Variants in ARHGAP24 observed in about 807,000 individuals in gnomAD.
The protein encoded by ARHGAP24 is rho GTPase-activating protein 24.
Under a neutral mutation model 76.4 loss-of-function variants are expected in ARHGAP24, and 50 were observed. That is an observed-to-expected ratio of 0.65 (90% CI 0.52 to 0.83). The LOEUF (loss-of-function observed/expected upper bound fraction) is 0.83. Ranked by LOEUF, ARHGAP24 falls within the 40% of genes least tolerant of loss-of-function variation. The probability of loss-of-function intolerance (pLI) is 0.00; values close to 1 mark genes in which losing one functional copy is unlikely to be tolerated. For missense variants in ARHGAP24, 930 were observed against 914.2 expected, an observed-to-expected ratio of 1.02 and a Z score of -0.22; for synonymous variants, 345 against 323.3, an observed-to-expected ratio of 1.07 and a Z score of -0.72.
chr4:85,967,009 G>A (rs1162025015), intron 5 of ARHGAP24, among the ~76,000 whole-genome samples: 1 of 152,054 alleles, frequency 6.6e-6, no homozygotes, highest in Non-Finnish European at 1.5e-5. Context: ...TAATTATGGT[G>A]GCATTTGGAT....
At position 85,627,707 on chromosome 4, in the gene ARHGAP24, G is replaced by A. The variant is rs560502088; in HGVS notation, c.180+56986G>A. 1.2e-4 allele frequency among the ~76,000 whole-genome samples: 18 copies of A among 152,330 alleles called. No individual in the cohort carries two copies. The East Asian group carries it at 3.5e-3, about 29-fold the overall frequency. On this transcript the variant is annotated intron_variant, in intron 2 of 9. Transcript: ENST00000395184. Reference sequence around the variant, plus strand: ...CGCAGGCAGGCCTCCTTGAGCTGTGGTGGGCTCCACCCAGTTCCAGCTTCC... The same window carrying A: ...CGCAGGCAGGCCTCCTTGAGCTGTGATGGGCTCCACCCAGTTCCAGCTTCC...
chr4:85,817,391 T>C (rs943215515), intron 3 of ARHGAP24, among the ~76,000 whole-genome samples: 1 of 152,156 alleles, frequency 6.6e-6, no homozygotes, highest in Non-Finnish European at 1.5e-5. Flanking sequence ...AGTTTTACAG[T>C]TTATGTTCAA....
intron 3 of ARHGAP24, among the ~76,000 whole-genome samples, chr4:85,794,281 A>G (rs544815974): frequency 6.6e-6 from 1 of 152,332 alleles, no homozygotes; most frequent in East Asian, 1.9e-4. Flanking sequence ...ATTCCATTGA[A>G]ATACTAAAGT....
intron 2 of ARHGAP24, among the ~76,000 whole-genome samples, chr4:85,698,290 A>G (rs1723943836): frequency 6.6e-6 from 1 of 152,156 alleles, no homozygotes; most frequent in Non-Finnish European, 1.5e-5. Context: ...GGTTTCTGTG[A>G]CTGTCTGCCT....
intron 3 of ARHGAP24, among the ~76,000 whole-genome samples, chr4:85,876,939 T>G (rs1282594839): frequency 2.7e-4 from 1 of 3,656 alleles, no homozygotes; most frequent in Non-Finnish European, 5.6e-4. Flanking sequence ...CTTTCCATTT[T>G]ATTTATAAAA....
At chr4:85,819,791 G>T (rs371556241) in intron 3 of ARHGAP24, among the ~76,000 whole-genome samples, 1 of 151,928 alleles carries the variant, frequency 6.6e-6, no homozygotes, top group South Asian at 2.1e-4. Flanking sequence ...GTGGTGGTAC[G>T]CACCTGTAAT....
intron 4 of ARHGAP24, 146 bp downstream of exon 4, chr4:85,923,916 C>A: frequency 8.5e-7 from 1 of 1,171,718 alleles, no homozygotes; most frequent in African/African-American, 1.5e-5. Flanking sequence ...TATTGTTAGA[C>A]GTATGTCTTC....
intron 2 of ARHGAP24, among the ~76,000 whole-genome samples, chr4:85,633,675 T>A (rs1304337489): frequency 2.6e-5 from 4 of 151,814 alleles, no homozygotes; most frequent in Non-Finnish European, 4.4e-5. Flanking sequence ...AAATTAGAAT[T>A]CAGTTTGAGA....
At chr4:85,748,956 C>A (rs1210649381) in intron 3 of ARHGAP24, among the ~76,000 whole-genome samples, 1 of 152,166 alleles carries the variant, frequency 6.6e-6, no homozygotes, top group African/African-American at 2.4e-5. Context: ...GGCTGTCTCT[C>A]CCTCAACGTG....
intron 1 of ARHGAP24, among the ~76,000 whole-genome samples, chr4:85,483,934 A>G (rs1722919192): frequency 6.6e-6 from 1 of 152,190 alleles, no homozygotes; most frequent in African/African-American, 2.4e-5. Context: ...AGGACCACTT[A>G]TTATTCAAAG....
chr4:85,982,154 C>T (rs1036636193), intron 8 of ARHGAP24, among the ~76,000 whole-genome samples: 2 of 151,752 alleles, frequency 1.3e-5, no homozygotes, highest in Admixed American at 6.6e-5. Flanking sequence ...AGATCCAATA[C>T]TGTGCTGCCA....
chr4:85,953,746 G>A (rs923366789), intron 5 of ARHGAP24, among the ~76,000 whole-genome samples: 10 of 152,044 alleles, frequency 6.6e-5, no homozygotes, highest in East Asian at 1.9e-4. Flanking sequence ...GAGCAGGCAC[G>A]AGGTCAGGGC....
intron 3 of ARHGAP24, among the ~76,000 whole-genome samples, chr4:85,895,854 A>G (rs182389089): frequency 2.6e-5 from 4 of 152,260 alleles, no homozygotes; most frequent in African/African-American, 9.6e-5. Context: ...TAGGCTGCCT[A>G]CCTGATAATA....
At chr4:85,765,925 G>T (rs888280325) in intron 3 of ARHGAP24, among the ~76,000 whole-genome samples, 2 of 152,136 alleles carry the variant, frequency 1.3e-5, no homozygotes, top group Non-Finnish European at 2.9e-5. Flanking sequence ...TTGCTTTGGG[G>T]TGTTGTTAGA....
At chr4:85,780,688 G>A (rs1038607073) in intron 3 of ARHGAP24, among the ~76,000 whole-genome samples, 1 of 152,108 alleles carries the variant, frequency 6.6e-6, no homozygotes, top group Non-Finnish European at 1.5e-5. Flanking sequence ...CGAATAAGAG[G>A]CAATAACTTT....
At chr4:85,703,344 T>A (rs1398179758) in intron 2 of ARHGAP24, among the ~76,000 whole-genome samples, 1 of 152,204 alleles carries the variant, frequency 6.6e-6, no homozygotes, top group Non-Finnish European at 1.5e-5. Context: ...AGATGACAGA[T>A]GGTCCTAGAC....
intron 6 of ARHGAP24, among the ~76,000 whole-genome samples, chr4:85,973,911 T>C (rs1429859582): frequency 7.3e-6 from 1 of 136,058 alleles, no homozygotes; most frequent in African/African-American, 2.8e-5. Flanking sequence ...GGCGGGATCT[T>C]GGCTCACTGC....
intron 1 of ARHGAP24, among the ~76,000 whole-genome samples, chr4:85,538,269 T>C (rs1439777560): frequency 6.6e-6 from 1 of 152,162 alleles, no homozygotes; most frequent in Non-Finnish European, 1.5e-5. Flanking sequence ...TACTTCCTTT[T>C]TGCAAATAAA....
At chr4:85,843,992 A>AT (rs1730737237) in intron 3 of ARHGAP24, among the ~76,000 whole-genome samples, 2 of 152,192 alleles carry the variant, frequency 1.3e-5, no homozygotes, top group African/African-American at 4.8e-5. Flanking sequence ...CTAAAACATA[A>AT]TTGATAACAT....
Sources: gnomAD v4.1 joint callset for allele counts (sites outside exome capture counted in the v4.1 genomes callset) on GRCh38, gnomAD v4.1.1 for gene constraint, MANE v1.5 for transcripts, NCBI Gene and HGNC (gene_info 2026-07-23, HGNC 2026-07-21) for gene names.